Variants in APH1B observed in about 807,000 individuals in gnomAD.
The protein encoded by APH1B is aph-1B gamma-secretase subunit.
A neutral mutation model predicts 28.2 loss-of-function variants in APH1B; 27 were observed. The ratio of observed to expected loss-of-function variants is 0.96; its 90% CI spans 0.70 to 1.32. The LOEUF is 1.32. APH1B is among the 40% of genes most tolerant of loss of function. APH1B has a pLI of 0.00. For missense variants in APH1B, 305 were observed against 313.6 expected, an observed-to-expected ratio of 0.97 and a Z score of 0.21; for synonymous variants, 141 against 124.6, an observed-to-expected ratio of 1.13 and a Z score of -0.88.
At chr15:63,293,340 A>G (rs1048362061) in intron 4 of APH1B, among the ~76,000 whole-genome samples, 3 of 150,108 alleles carry the variant, frequency 2.0e-5, no homozygotes, top group Non-Finnish European at 4.4e-5. Flanking sequence ...AATTTTTTGT[A>G]TTTTTAGTAG....
intron 4 of APH1B, among the ~76,000 whole-genome samples, chr15:63,295,145 AGAGCTTGTTTG>A (rs2038551484): frequency 6.6e-6 from 1 of 152,246 alleles, no homozygotes; most frequent in East Asian, 1.9e-4. Flanking sequence ...ATCAGGTTTG[AGAGCTTGTTTG>A]GAGCAAACAT....
Position 63,308,364 on chromosome 15 carries a change from C to G in APH1B, c.*2583C>G, listed in dbSNP as rs1036213482. 7 of 152,166 alleles carry G rather than the reference C, an allele frequency of 4.6e-5. No homozygotes were observed. Among genetic ancestry groups the G allele is most frequent in the Non-Finnish European group, 1.0e-4 (7 of 68,036 alleles). 9.4% of individuals were successfully genotyped at this position (152,166 alleles called of 1,614,324 possible). A position where few individuals can be genotyped will look rare whatever the true frequency, so the allele number is the denominator to read the frequency against. ...GTTATAACTGGAGAAATTTTGTTAC[C>G]TCTATCCTGGCTTGCCTGACTGGCT... is the stretch of plus-strand genomic sequence containing the variant. On this transcript the variant is annotated 3_prime_UTR_variant, in exon 6 of 6. Transcript: ENST00000261879.
At chr15:63,299,509 A>G (rs1387640619) in intron 4 of APH1B, among the ~76,000 whole-genome samples, 1 of 152,022 alleles carries the variant, frequency 6.6e-6, no homozygotes, top group Non-Finnish European at 1.5e-5. Context: ...GGTTCACGCC[A>G]TTCTCCTGCC....
intron 4 of APH1B, among the ~76,000 whole-genome samples, chr15:63,296,416 T>C (rs7171228): frequency 0.97 from 148,496 of 152,344 alleles, 72,421 homozygotes; most frequent in East Asian, 1. Context: ...TTGCTCTGAC[T>C]TAGTTAGAGA....
chr15:63,291,287 T>G (rs1202681070), intron 4 of APH1B, among the ~76,000 whole-genome samples: 2 of 152,196 alleles, frequency 1.3e-5, no homozygotes, highest in Non-Finnish European at 2.9e-5. Flanking sequence ...ATTACCTCCC[T>G]TATGCTTTAG....
rs1003549727 is a variant in APH1B, at chr15:63,307,563, A to G, written c.*1782A>G. The G allele has an allele frequency of 9.2e-5, 14 of 152,210 alleles. No individual in the cohort carries two copies. Among genetic ancestry groups the G allele is most frequent in the African/African-American group, 3.4e-4 (14 of 41,444 alleles). The allele number at this position is 152,210 out of a possible 1,614,324, so 9.4% of individuals were successfully genotyped here. A position where few individuals can be genotyped will look rare whatever the true frequency, so the allele number is the denominator to read the frequency against. On this transcript the variant is annotated 3_prime_UTR_variant, in exon 6 of 6. Transcript: ENST00000261879. Reference sequence around the variant, plus strand: ...AGAGTCAAGGATATAGAGACTCAACAGTGACATTTATTGTACAACATCAAG... The same window carrying G: ...AGAGTCAAGGATATAGAGACTCAACGGTGACATTTATTGTACAACATCAAG...
chr15:63,285,855 A>G (rs1318772111), intron 2 of APH1B, among the ~76,000 whole-genome samples: 1 of 152,222 alleles, frequency 6.6e-6, no homozygotes, highest in Admixed American at 6.5e-5. Flanking sequence ...AGATACAACG[A>G]AAGTATCAGA....
chr15:63,298,078 A>G (rs1267653772), intron 4 of APH1B, among the ~76,000 whole-genome samples: 3 of 152,220 alleles, frequency 2.0e-5, no homozygotes, highest in Non-Finnish European at 4.4e-5. Flanking sequence ...TGCCTGGCCC[A>G]TGCTGGCCAC....
At chr15:63,289,993 ACT>A (rs1397474305) in intron 4 of APH1B, among the ~76,000 whole-genome samples, 3 of 151,396 alleles carry the variant, frequency 2.0e-5, no homozygotes, top group East Asian at 2.0e-4. Context: ...ACAGAGGGAT[ACT>A]CTGTTTCAAG....
chr15:63,303,177 TCA>T (rs1321729839), intron 5 of APH1B, among the ~76,000 whole-genome samples: 1 of 152,210 alleles, frequency 6.6e-6, no homozygotes, highest in Non-Finnish European at 1.5e-5. Flanking sequence ...TGATGAATTT[TCA>T]CAGTGTGAAC....
chr15:63,303,359 C>G (rs1444340426), intron 5 of APH1B, among the ~76,000 whole-genome samples: 1 of 152,206 alleles, frequency 6.6e-6, no homozygotes, highest in East Asian at 1.9e-4. Context: ...ACAACGTTTG[C>G]TCTTGTGTCT....
intron 2 of APH1B, among the ~76,000 whole-genome samples, chr15:63,285,836 T>C (rs2038439611): frequency 6.6e-6 from 1 of 152,248 alleles, no homozygotes; most frequent in Admixed American, 6.5e-5. Context: ...GGTAGCATTT[T>C]ATTCTGCAAG....
chr15:63,281,085 G>A (rs140723305), intron 2 of APH1B, among the ~76,000 whole-genome samples: 21 of 152,044 alleles, frequency 1.4e-4, no homozygotes, highest in African/African-American at 4.8e-4. Context: ...GCAGTGAGCC[G>A]TGATTGCACC....
In APH1B at chr15:63,305,784, T is replaced by A. The variant is rs200373547; in HGVS notation, c.*3T>A. On this transcript the variant is annotated 3_prime_UTR_variant, in exon 6 of 6. Coordinates refer to ENST00000261879, the MANE Select transcript of APH1B (RefSeq NM_031301.4). ...TTTACAACCAGCGCTCCAGATAACC[T>A]CAGGGAACCAGCACTTCCCAAACCG... 1 of 1,611,708 alleles carries A rather than the reference T, an allele frequency of 6.2e-7. No individual in the cohort carries two copies. The highest frequency in any genetic ancestry group is 8.5e-7 in the Non-Finnish European group (1 of 1,179,288).
intron 1 of APH1B, among the ~76,000 whole-genome samples, chr15:63,278,517 C>T (rs755405560): frequency 2.0e-5 from 3 of 152,168 alleles, no homozygotes; most frequent in Non-Finnish European, 1.5e-5. Context: ...GAAAGTGCTT[C>T]GCTGCATGTC....
intron 4 of APH1B, among the ~76,000 whole-genome samples, chr15:63,290,201 C>G (rs1285135070): frequency 1.3e-5 from 2 of 151,998 alleles, no homozygotes; most frequent in Admixed American, 6.6e-5. Context: ...TATATGATAC[C>G]TGTGTGTACA....
intron 4 of APH1B, among the ~76,000 whole-genome samples, chr15:63,291,054 C>T (rs779249517): frequency 3.1e-4 from 47 of 151,534 alleles, no homozygotes; most frequent in Non-Finnish European, 6.0e-4. Context: ...ATCTAATCTT[C>T]AATTTCCTGA....
intron 2 of APH1B, 93 bp from the exon 3 acceptor site, chr15:63,286,465 T>C (rs968812863): frequency 1.0e-6 from 1 of 995,740 alleles, no homozygotes; most frequent in African/African-American, 1.7e-5. Context: ...AGTGAGTATC[T>C]GGGTTTGAAG....
rs201441763 is a variant in APH1B, at chr15:63,306,017, T to G, written c.*236T>G. On this transcript the variant is annotated 3_prime_UTR_variant, in exon 6 of 6. Transcript: ENST00000261879. The stretch of plus-strand genomic sequence containing the variant: ...AGTGTAAAGCCGACTGATTCTGGGC[T>G]CCACCTTCCAGAGCTAATTGGCCTG... The G allele has an allele frequency of 4.2e-6, 2 of 472,996 alleles. No homozygotes were observed. The highest frequency in any genetic ancestry group is 7.3e-6 in the Non-Finnish European group (2 of 274,898). 29.3% of individuals were successfully genotyped at this position (472,996 alleles called of 1,614,324 possible). A position where few individuals can be genotyped will look rare whatever the true frequency, so the allele number is the denominator to read the frequency against.
Sources: gnomAD v4.1 joint callset for allele counts (sites outside exome capture counted in the v4.1 genomes callset) on GRCh38, gnomAD v4.1.1 for gene constraint, MANE v1.5 for transcripts, NCBI Gene and HGNC (gene_info 2026-07-23, HGNC 2026-07-21) for gene names.